Variants in HSPE1 observed in about 807,000 individuals in gnomAD.
HSPE1 encodes 10 kDa heat shock protein, mitochondrial.
A neutral mutation model predicts 13.2 loss-of-function variants in HSPE1; 1 was observed. The observed-to-expected ratio is 0.08, with a 90% CI of 0.03 to 0.36. The LOEUF (loss-of-function observed/expected upper bound fraction) is 0.36. Ranked by LOEUF, HSPE1 falls within the 10% of genes least tolerant of loss-of-function variation. The pLI, the probability that HSPE1 is intolerant of heterozygous loss-of-function variation, is 0.99. For synonymous variants in HSPE1, 44 were observed against 42.0 expected (o/e 1.05, Z -0.19); for missense variants, 73 against 118.7 (o/e 0.62, Z 1.79).
chr2:197,502,722 T>G (rs2086272289), intron 2 of HSPE1, among the ~76,000 whole-genome samples: 1 of 152,258 alleles, frequency 6.6e-6, no homozygotes, highest in Non-Finnish European at 1.5e-5. Context: ...GTTGATAAGT[T>G]ATGTTAATAT....
At chr2:197,501,396 T>A in intron 2 of HSPE1, 158 bp downstream of exon 2, 2 of 818,444 alleles carry the variant, frequency 2.4e-6, no homozygotes, top group Non-Finnish European at 3.7e-6. Context: ...GGGAAATGAC[T>A]AATATAAAGT....
chr2:197,500,507 C>A (rs2086237216), intron 1 of HSPE1, 68 bp downstream of exon 1: 7 of 1,551,258 alleles, frequency 4.5e-6, no homozygotes, highest in Admixed American at 1.9e-5. Flanking sequence ...ATCCCTGACG[C>A]CCCTCTTTTG....
rs2086279074 is a variant in HSPE1, at chr2:197,503,412, A to G, written c.*153A>G. 6 of 492,198 alleles carry G rather than the reference A, an allele frequency of 1.2e-5. No individual in the cohort carries two copies. Among genetic ancestry groups the G allele is most frequent in the South Asian group, 3.9e-5 (1 of 25,566 alleles). The allele number at this position is 492,198 out of a possible 1,614,324, so 30.5% of individuals were successfully genotyped here. A position where few individuals can be genotyped will look rare whatever the true frequency, so the allele number is the denominator to read the frequency against. On this transcript the variant is annotated 3_prime_UTR_variant, in exon 4 of 4. Coordinates refer to ENST00000233893, the MANE Select transcript of HSPE1 (RefSeq NM_002157.3). ...AGTGTCTCCAAAATTGTTTCCTTGT[A>G]CTGATATAAACACTTCCAAATAAAA...
chr2:197,502,955 C>A (rs1430373029), intron 2 of HSPE1, 84 bp from the exon 3 acceptor site: 2 of 723,368 alleles, frequency 2.8e-6, no homozygotes, highest in African/African-American at 1.8e-5. Context: ...GACCATGTTT[C>A]ATTAGTTGTA....
rs986283965 is a variant in HSPE1 at position 197,500,540 on chromosome 2, G to A, written c.3+101G>A. Reference sequence around the variant, plus strand: ...TTGTTGGGCTGGGCGGGAGGGATTGGTGGCCACTCAGTGACCAGCGCCCGA... The same window carrying A: ...TTGTTGGGCTGGGCGGGAGGGATTGATGGCCACTCAGTGACCAGCGCCCGA... On this transcript the variant is annotated intron_variant, in intron 1 of 3. Coordinates refer to ENST00000233893, the MANE Select transcript of HSPE1 (RefSeq NM_002157.3). 96 of 1,473,314 alleles carry A rather than the reference G, an allele frequency of 6.5e-5. 1 individual carries two copies. The African/African-American group carries it at 1.2e-3, about 18-fold the overall frequency. The allele number at this position is 1,473,314 out of a possible 1,614,324, so 91.3% of individuals were successfully genotyped here.
In HSPE1 at chr2:197,501,206, G is replaced by A; in HGVS notation, c.136G>A (p.Val46Ile). The A allele has an allele frequency of 6.2e-7, 1 of 1,613,644 alleles. No homozygotes were observed. The highest frequency in any genetic ancestry group is 8.5e-7 in the Non-Finnish European group (1 of 1,179,710). The change falls in exon 2 of 4, where the codon GTA becomes ATA. Residue 46 changes from valine (V) to isoleucine (I), a missense_variant. By Grantham distance (29) the Val-to-Ile change is conservative (BLOSUM62 3). Transcript: ENST00000233893. ...TCAAGGAAAAGTATTGCAAGCAACA[G>A]TAGTCGCTGTTGGATCGGGTTCTAA... The part of the protein sequence containing the change: ...KSQGKVLQAT[V>I]VAVGSGSKGK...
intron 2 of HSPE1, among the ~76,000 whole-genome samples, 175 bp from the exon 3 acceptor site, chr2:197,502,864 T>A (rs900308850): frequency 2.6e-5 from 4 of 152,222 alleles, no homozygotes; most frequent in African/African-American, 9.6e-5. Context: ...ACAGTGGTAT[T>A]TTTGAGTGAA....
chr2:197,500,633 C>A, intron 1 of HSPE1, 194 bp downstream of exon 1: 1 of 803,668 alleles, frequency 1.2e-6, no homozygotes, highest in Non-Finnish European at 2.0e-6. Flanking sequence ...CGCGCGTGTG[C>A]TGCCGGTGTG....
intron 2 of HSPE1, 172 bp downstream of exon 2, chr2:197,501,410 T>C: frequency 1.4e-6 from 1 of 728,958 alleles, no homozygotes; most frequent in Non-Finnish European, 2.2e-6. Flanking sequence ...ATAAAGTTGC[T>C]TATTTTATAT....
intron 2 of HSPE1, 61 bp from the exon 3 acceptor site, chr2:197,502,978 T>G: frequency 2.3e-6 from 2 of 865,574 alleles, no homozygotes; most frequent in Non-Finnish European, 3.8e-6. Flanking sequence ...GATTTAAAAG[T>G]TAACTGTTTA....
chr2:197,500,398 T>C lies in HSPE1; in HGVS notation c.-39T>C, dbSNP rs1419758330. On this transcript the variant is annotated 5_prime_UTR_variant, in exon 1 of 4. Coordinates refer to ENST00000233893, the MANE Select transcript of HSPE1 (RefSeq NM_002157.3). ...CGGACTGCGAGTCTCTTTGCGGCGC[T>C]ACACTAGAGCAGAGTACGAGTCTGA... 6.3e-7 allele frequency: 1 copy of C among 1,595,972 alleles called. No individual in the cohort carries two copies. The highest frequency in any genetic ancestry group is 8.5e-7 in the Non-Finnish European group (1 of 1,172,030).
intron 2 of HSPE1, among the ~76,000 whole-genome samples, chr2:197,502,508 A>G (rs776631232): frequency 1.3e-5 from 2 of 152,216 alleles, no homozygotes; most frequent in Non-Finnish European, 2.9e-5. Flanking sequence ...TCATGGAGTT[A>G]GGAATAGGAA....
At position 197,501,135 on chromosome 2, in the gene HSPE1, C is replaced by G; in HGVS notation, c.65C>G (p.Ala22Gly). ...GACCGAGTATTGGTTGAAAGGAGTG[C>G]TGCTGAAACTGTAACCAAAGGAGGC... ...LFDRVLVERS[A>G]AETVTKGGIM... Residue 22 changes from alanine to glycine, a missense_variant, in exon 2 of 4, where the codon GCT (alanine) becomes GGT (glycine). By Grantham distance (60) the Ala-to-Gly change is moderately conservative (BLOSUM62 0). Transcript: ENST00000233893. 1 of 1,614,104 alleles carries G rather than the reference C, an allele frequency of 6.2e-7. No homozygotes were observed. The highest frequency in any genetic ancestry group is 8.5e-7 in the Non-Finnish European group (1 of 1,179,978).
In HSPE1 at chr2:197,500,450, C is replaced by T; in HGVS notation, c.3+11C>T. On this transcript the variant is annotated intron_variant, in intron 1 of 3. Coordinates refer to ENST00000233893, the MANE Select transcript of HSPE1 (RefSeq NM_002157.3). Reference sequence around the variant, plus strand: ...GCGGAGGGAGTAATGGTGAGTCCCGCGTGGCCCCGAGGCCTGCAGGCCCGG... The same window carrying T: ...GCGGAGGGAGTAATGGTGAGTCCCGTGTGGCCCCGAGGCCTGCAGGCCCGG... 1 of 1,515,440 alleles carries T rather than the reference C, an allele frequency of 6.6e-7. No homozygotes were observed. Among genetic ancestry groups the T allele is most frequent in the Non-Finnish European group, 8.9e-7 (1 of 1,121,976 alleles). 93.9% of individuals were successfully genotyped at this position (1,515,440 alleles called of 1,614,324 possible).
chr2:197,500,798 G>T (rs2086242630), intron 1 of HSPE1: 2 of 580,538 alleles, frequency 3.4e-6, no homozygotes, highest in East Asian at 5.8e-5. Context: ...ACCTGAAGAA[G>T]GAAAACATTT....
chr2:197,500,811 C>T (rs966706521), intron 1 of HSPE1: 1 of 584,518 alleles, frequency 1.7e-6, no homozygotes, highest in Non-Finnish European at 3.0e-6. Context: ...AAACATTTGA[C>T]CTTGGAATAA....
At chr2:197,501,483 G>A (rs1574608779) in intron 2 of HSPE1, 1 of 377,910 alleles carries the variant, frequency 2.6e-6, no homozygotes, top group East Asian at 5.7e-5. Flanking sequence ...GTCCTCAATA[G>A]GCCGGGTGCG....
chr2:197,502,661 G>A (rs2086271538), intron 2 of HSPE1, among the ~76,000 whole-genome samples: 1 of 152,190 alleles, frequency 6.6e-6, no homozygotes, highest in East Asian at 1.9e-4. Context: ...ATGACCATTT[G>A]TATATGGCAT....
rs1473969241 is a variant in HSPE1 at position 197,500,393 on chromosome 2, G to A, written c.-44G>A. ...AGGGCCGGACTGCGAGTCTCTTTGCGGCGCTACACTAGAGCAGAGTACGAG... is the reference window on the plus strand; with the variant it reads ...AGGGCCGGACTGCGAGTCTCTTTGCAGCGCTACACTAGAGCAGAGTACGAG... On this transcript the variant is annotated 5_prime_UTR_variant, in exon 1 of 4. Transcript: ENST00000233893. 3 of 1,592,514 alleles carry A rather than the reference G, an allele frequency of 1.9e-6. No homozygotes were observed. Among genetic ancestry groups the A allele is most frequent in the East Asian group, 4.6e-5 (2 of 43,886 alleles).
Sources: allele counts gnomAD v4.1 joint callset (sites outside exome capture counted in the v4.1 genomes callset), GRCh38; gene constraint gnomAD v4.1.1; transcripts MANE v1.5; gene names NCBI Gene and HGNC (gene_info 2026-07-23, HGNC 2026-07-21).